MITF: variants seen among roughly 807,000 people sequenced by gnomAD.
MITF encodes the protein melanocyte inducing transcription factor, also known as microphthalmia-associated transcription factor.
Under a neutral mutation model 60.5 loss-of-function variants are expected in MITF, and 17 were observed. The ratio of observed to expected loss-of-function variants is 0.28; its 90% CI spans 0.19 to 0.42. The LOEUF is 0.42. MITF is among the 10% of genes least tolerant of loss of function. MITF has a pLI of 1.00. For synonymous variants in MITF, 260 were observed against 248.5 expected (o/e 1.05, Z -0.43); for missense variants, 622 against 683.5 (o/e 0.91, Z 1.00).
intron 1 of MITF, among the ~76,000 whole-genome samples, chr3:69,849,079 C>T (rs962059623): frequency 6.7e-6 from 1 of 148,632 alleles, no homozygotes; most frequent in Non-Finnish European, 1.5e-5. Context: ...ATTCTCCTGC[C>T]TCAGCCTCCC....
rs181493199 is a variant in MITF, at chr3:69,912,292, T to C, written c.355-25530T>C. 2.0e-5 allele frequency among the ~76,000 whole-genome samples: 3 copies of C among 152,290 alleles called. No homozygotes were observed. The East Asian group carries it at 5.8e-4, about 29-fold the overall frequency. On this transcript the variant is annotated intron_variant, in intron 2 of 9. Coordinates refer to ENST00000352241, the MANE Select transcript of MITF (RefSeq NM_001354604.2). ...CTGGGGAGGGAGAGCAGGGAACTTA[T>C]GGGGCTTATTGTTGTCTTCAATATT...
intron 1 of MITF, among the ~76,000 whole-genome samples, chr3:69,838,919 G>C (rs866749521): frequency 1.6e-4 from 25 of 152,266 alleles, no homozygotes; most frequent in Middle Eastern, 3.4e-3. Flanking sequence ...AGAGCAGTAT[G>C]ATTGAGCTGC....
intron 1 of MITF, among the ~76,000 whole-genome samples, chr3:69,856,075 C>T (rs1302511722): frequency 6.6e-6 from 1 of 152,144 alleles, no homozygotes; most frequent in Non-Finnish European, 1.5e-5. Flanking sequence ...CAGAACCCTA[C>T]ATGGTTTTCT....
chr3:69,739,841 C>T (rs1477757154), intron 1 of MITF, 140 bp downstream of exon 1: 8 of 663,892 alleles, frequency 1.2e-5, no homozygotes, highest in African/African-American at 5.4e-5. Context: ...GGCGAACTGC[C>T]CCTCGCAGTT....
intron 1 of MITF, among the ~76,000 whole-genome samples, chr3:69,817,972 G>A (rs745592329): frequency 6.6e-6 from 1 of 152,070 alleles, no homozygotes; most frequent in South Asian, 2.1e-4. Flanking sequence ...CCTTCCTTTT[G>A]TAAACACATA....
chr3:69,837,297 G>A (rs1035167869), intron 1 of MITF, among the ~76,000 whole-genome samples: 1 of 152,176 alleles, frequency 6.6e-6, no homozygotes, highest in African/African-American at 2.4e-5. Context: ...AAGATAATAC[G>A]TGTCCACTTG....
intron 1 of MITF, among the ~76,000 whole-genome samples, chr3:69,792,965 A>T (rs984335818): frequency 7.0e-5 from 6 of 85,422 alleles, no homozygotes; most frequent in Non-Finnish European, 1.2e-4. Flanking sequence ...ATTACTTTAA[A>T]TTTTTTCTTG....
At position 69,966,053 on chromosome 3, in the gene MITF, G is replaced by A. The variant is rs1012566287; in HGVS notation, c.*805G>A. On this transcript the variant is annotated 3_prime_UTR_variant, in exon 10 of 10. Coordinates refer to ENST00000352241, the MANE Select transcript of MITF (RefSeq NM_001354604.2). ...AGTAAAATATTGAGGAGCACTGAAA[G>A]TATGTTTTACTTTTTTTTTATTTTA... The A allele has an allele frequency of 4.3e-6, 1 of 232,302 alleles. No homozygotes were observed. Among genetic ancestry groups the A allele is most frequent in the African/African-American group, 2.2e-5 (1 of 45,294 alleles). The allele number at this position is 232,302 out of a possible 1,614,324, so 14.4% of individuals were successfully genotyped here.
At position 69,965,936 on chromosome 3, in the gene MITF, A is replaced by T. The variant is rs906067042; in HGVS notation, c.*688A>T. 12 of 231,862 alleles carry T rather than the reference A, an allele frequency of 5.2e-5. No individual in the cohort carries two copies. Among genetic ancestry groups the T allele is most frequent in the African/African-American group, 2.2e-4 (10 of 45,382 alleles). 14.4% of individuals were successfully genotyped at this position (231,862 alleles called of 1,614,324 possible). The stretch of plus-strand genomic sequence containing the variant: ...ATAAAGTCTAATCTTGCTCTCTTTT[A>T]TTCTGTGCTGTTACAGTTTTCTTCA... On this transcript the variant is annotated 3_prime_UTR_variant, in exon 10 of 10. Transcript: ENST00000352241.
chr3:69,827,160 T>C (rs1289950406), intron 1 of MITF, among the ~76,000 whole-genome samples: 1 of 152,180 alleles, frequency 6.6e-6, no homozygotes, highest in Non-Finnish European at 1.5e-5. Flanking sequence ...CAGGATCATC[T>C]TTCTCCAGTA....
At chr3:69,945,252 A>G (rs1402031806) in intron 5 of MITF, among the ~76,000 whole-genome samples, 2 of 152,194 alleles carry the variant, frequency 1.3e-5, no homozygotes, top group African/African-American at 2.4e-5. Context: ...GAAGAACTCA[A>G]TTCAGACCAG....
intron 1 of MITF, among the ~76,000 whole-genome samples, chr3:69,780,080 A>G (rs1456442545): frequency 6.6e-6 from 1 of 152,174 alleles, no homozygotes; most frequent in Non-Finnish European, 1.5e-5. Context: ...ACAAAGAGGT[A>G]TTGAGGGTCA....
chr3:69,964,809 CT>C, intron 9 of MITF, 37 bp from the exon 10 acceptor site: 1 of 1,605,882 alleles, frequency 6.2e-7, no homozygotes, highest in South Asian at 1.1e-5. Flanking sequence ...CCTCTGTGCT[CT>C]GCCTATTTCA....
At chr3:69,796,556 G>T (rs1159042359) in intron 1 of MITF, among the ~76,000 whole-genome samples, 1 of 142,360 alleles carries the variant, frequency 7.0e-6, no homozygotes, top group Non-Finnish European at 1.5e-5. Flanking sequence ...CCGGACTGCG[G>T]ACTGCAGTGG....
rs1193795003 is a variant in MITF, at chr3:69,937,998, A to G, written c.531A>G (p.Ala177=). ...TGCCACCGGTGCCGGGGAGCAGCGCACCCAACAGCCCCATGGCTATGCTTA... is the reference window on the plus strand; with the variant it reads ...TGCCACCGGTGCCGGGGAGCAGCGCGCCCAACAGCCCCATGGCTATGCTTA... ...HVMPPVPGSS[A]PNSPMAMLTL... The change falls in exon 3 of 10, where the codon GCA becomes GCG. Residue 177 remains alanine, a synonymous_variant. Transcript: ENST00000352241. 3 of 1,614,158 alleles carry G rather than the reference A, an allele frequency of 1.9e-6. No individual in the cohort carries two copies. Among genetic ancestry groups the G allele is most frequent in the Non-Finnish European group, 2.5e-6 (3 of 1,179,994 alleles).
chr3:69,764,957 G>T (rs2062267530), intron 1 of MITF, among the ~76,000 whole-genome samples: 1 of 152,136 alleles, frequency 6.6e-6, no homozygotes, highest in African/African-American at 2.4e-5. Flanking sequence ...TTATCACTTG[G>T]TTTGTGGTTT....
At position 69,948,369 on chromosome 3, in the gene MITF, G is replaced by A. The variant is rs547404163; in HGVS notation, c.763-682G>A. Among the ~76,000 whole-genome samples the A allele has an allele frequency of 2.6e-5, 4 of 151,238 alleles. No individual in the cohort carries two copies. The East Asian group carries it at 7.8e-4, about 29-fold the overall frequency. On this transcript the variant is annotated intron_variant, in intron 5 of 9. Transcript: ENST00000352241. ...TCAGAACTAGAGGAAAAACTCTGAC[G>A]CTAGCTTGGGGAAGGCTAAATATTT...
chr3:69,916,339 G>A (rs2065334082), intron 2 of MITF, among the ~76,000 whole-genome samples: 1 of 152,086 alleles, frequency 6.6e-6, no homozygotes, highest in Admixed American at 6.5e-5. Flanking sequence ...TTATGAACGT[G>A]TTCACATCTA....
At chr3:69,755,277 C>T (rs928301512) in intron 1 of MITF, among the ~76,000 whole-genome samples, 4 of 152,140 alleles carry the variant, frequency 2.6e-5, no homozygotes, top group Admixed American at 2.6e-4. Context: ...TCTCGAATTC[C>T]TAACTGTCAT....
Sources: allele counts gnomAD v4.1 joint callset (sites outside exome capture counted in the v4.1 genomes callset), GRCh38; gene constraint gnomAD v4.1.1; transcripts MANE v1.5; gene names NCBI Gene and HGNC (gene_info 2026-07-23, HGNC 2026-07-21).